Variants in SLC24A2 observed in about 807,000 individuals in gnomAD.
SLC24A2 encodes solute carrier family 24 member 2.
Under a neutral mutation model 62.0 loss-of-function variants are expected in SLC24A2, and 36 were observed. The observed-to-expected ratio is 0.58, with a 90% CI of 0.44 to 0.77. The LOEUF (loss-of-function observed/expected upper bound fraction) is 0.77. Among genes scored for constraint, SLC24A2 ranks in the 30% least tolerant of loss-of-function variants. SLC24A2 has a pLI of 0.00. For synonymous variants in SLC24A2, 358 were observed against 294.0 expected (o/e 1.22, Z -2.23); for missense variants, 846 against 817.9 (o/e 1.03, Z -0.42).
At chr9:19,749,830 T>C (rs564814358) in intron 2 of SLC24A2, among the ~76,000 whole-genome samples, 7 of 152,352 alleles carry the variant, frequency 4.6e-5, no homozygotes, top group Admixed American at 4.6e-4. Context: ...CTAGTCCATA[T>C]GCTCACAACT....
chr9:20,013,439 G>A, the SLC24A2 span, among the ~76,000 whole-genome samples: 493 of 152,194 alleles, frequency 3.2e-3, 1 homozygote, highest in Non-Finnish European at 6.0e-3. Context: ...TTAAATATAG[G>A]ACCTGAAGCT....
chr9:20,271,645 G>C, the SLC24A2 span, among the ~76,000 whole-genome samples: 1 of 152,122 alleles, frequency 6.6e-6, no homozygotes, highest in Non-Finnish European at 1.5e-5. Context: ...GGAAAGAAAA[G>C]CTCAAGCAAG....
the SLC24A2 span, among the ~76,000 whole-genome samples, chr9:20,219,830 A>G: frequency 6.6e-6 from 1 of 152,176 alleles, no homozygotes; most frequent in Non-Finnish European, 1.5e-5. Flanking sequence ...TTTGTCAATA[A>G]ACAATTTCAT....
the SLC24A2 span, among the ~76,000 whole-genome samples, chr9:20,019,246 AAG>A: frequency 2.1e-5 from 3 of 143,780 alleles, no homozygotes; most frequent in South Asian, 2.3e-4. Context: ...AAAAAGAAAG[AAG>A]GAAAGAGAAA....
chr9:20,235,309 G>A, the SLC24A2 span, among the ~76,000 whole-genome samples: 1 of 152,212 alleles, frequency 6.6e-6, no homozygotes, highest in Non-Finnish European at 1.5e-5. Context: ...GTTTGTCTGT[G>A]CCCTGCCCCC....
the SLC24A2 span, among the ~76,000 whole-genome samples, chr9:19,799,824 T>G: frequency 6.6e-6 from 1 of 152,198 alleles, no homozygotes; most frequent in Non-Finnish European, 1.5e-5. Flanking sequence ...TTTTTTTAAT[T>G]GGCATATTCA....
intron 10 of SLC24A2, among the ~76,000 whole-genome samples, chr9:19,520,007 G>A (rs1052175528): frequency 1.5e-4 from 23 of 152,154 alleles, no homozygotes; most frequent in Admixed American, 1.2e-3. Context: ...ATACTTCATA[G>A]GATTATTGTG....
chr9:20,281,775 T>TA, the SLC24A2 span, among the ~76,000 whole-genome samples: 5 of 152,226 alleles, frequency 3.3e-5, no homozygotes, highest in African/African-American at 9.6e-5. Flanking sequence ...AGTGCTGCTA[T>TA]AAAAATTCTA....
At chr9:19,681,567 G>A (rs554642541) in intron 2 of SLC24A2, among the ~76,000 whole-genome samples, 1 of 152,256 alleles carries the variant, frequency 6.6e-6, no homozygotes, top group East Asian at 1.9e-4. Flanking sequence ...GGGCAGTGCA[G>A]AAAGCAAACC....
the SLC24A2 span, among the ~76,000 whole-genome samples, chr9:19,981,897 G>A: frequency 6.6e-6 from 1 of 152,150 alleles, no homozygotes; most frequent in East Asian, 1.9e-4. Context: ...CATGGGGAAG[G>A]AAAGTATACT....
chr9:19,678,902 A>T (rs1819633152), intron 2 of SLC24A2, among the ~76,000 whole-genome samples: 1 of 152,248 alleles, frequency 6.6e-6, no homozygotes, highest in Non-Finnish European at 1.5e-5. Flanking sequence ...ATAGGAGGTT[A>T]ATGAAAAATA....
At chr9:20,167,292 G>C in the SLC24A2 span, among the ~76,000 whole-genome samples, 17 of 147,706 alleles carry the variant, frequency 1.2e-4, 1 homozygote, top group South Asian at 3.6e-3. Flanking sequence ...TGGTATGTCT[G>C]TGTAGCAATT....
rs139994789 is a variant in SLC24A2, at chr9:19,516,306, G to A, written c.1833C>T (p.Phe611=). 8 of 1,614,190 alleles carry A rather than the reference G, an allele frequency of 5.0e-6. No individual in the cohort carries two copies. Among genetic ancestry groups the A allele is most frequent in the Non-Finnish European group, 6.8e-6 (8 of 1,180,028 alleles). Residue 611 remains phenylalanine, a synonymous_variant, in exon 11 of 11, where the codon TTC becomes TTT. Transcript: ENST00000341998. The stretch of plus-strand genomic sequence containing the variant: ...AGAGGATGACGAAGAGCAGCATGAT[G>A]AAGAGAAGGACGATGGCACAGAAAA... ...NGLFCAIVLL[F]IMLLFVILSI...
the SLC24A2 span, among the ~76,000 whole-genome samples, chr9:20,263,872 C>CT: frequency 1.6e-5 from 2 of 124,062 alleles, no homozygotes; most frequent in South Asian, 3.9e-4. Context: ...CCCCCCCCCC[C>CT]CCATTAAGGC....
intron 5 of SLC24A2, 84 bp downstream of exon 5, chr9:19,597,145 G>T: frequency 1.1e-6 from 1 of 899,016 alleles, no homozygotes. Context: ...ATGCAGAGAG[G>T]AAAAAAAAGA....
chr9:19,531,882 T>C (rs1329880579), intron 8 of SLC24A2, among the ~76,000 whole-genome samples: 2 of 152,140 alleles, frequency 1.3e-5, no homozygotes, highest in Admixed American at 1.3e-4. Flanking sequence ...GAGGACTTCA[T>C]GTACATAAAA....
At chr9:20,188,976 G>A in the SLC24A2 span, among the ~76,000 whole-genome samples, 3 of 152,060 alleles carry the variant, frequency 2.0e-5, no homozygotes, top group Admixed American at 1.3e-4. Context: ...ATTAATGTGA[G>A]TTCCTTTGTT....
the SLC24A2 span, among the ~76,000 whole-genome samples, chr9:19,904,013 T>C: frequency 6.6e-6 from 1 of 152,152 alleles, no homozygotes; most frequent in Non-Finnish European, 1.5e-5. Flanking sequence ...GTACATCACC[T>C]CAGCAGGTCT....
chr9:19,571,142 C>T (rs1427035288), intron 7 of SLC24A2, among the ~76,000 whole-genome samples: 1 of 152,118 alleles, frequency 6.6e-6, no homozygotes, highest in Non-Finnish European at 1.5e-5. Context: ...CAAGGGCAGC[C>T]AGATGTCCTT....
Sources: allele counts gnomAD v4.1 joint callset (sites outside exome capture counted in the v4.1 genomes callset), GRCh38; gene constraint gnomAD v4.1.1; transcripts MANE v1.5; gene names NCBI Gene and HGNC (gene_info 2026-07-23, HGNC 2026-07-21).